The following EFHC2 variants were observed in gnomAD, a reference collection of about 807,000 sequenced individuals.
The protein encoded by EFHC2 is EF-hand domain containing 2.
In EFHC2, 18 loss-of-function variants were observed where a neutral mutation model predicts 52.7. The observed-to-expected ratio is 0.34, with a 90% CI of 0.24 to 0.51. The LOEUF is 0.51. EFHC2 is among the 20% of genes least tolerant of loss of function. The pLI is 0.97. For synonymous variants in EFHC2, 203 were observed against 204.1 expected (o/e 0.99, Z 0.04); for missense variants, 513 against 562.5 (o/e 0.91, Z 0.89).
chrX:44,262,710 G>C lies in EFHC2; in HGVS notation c.383-1412C>G, dbSNP rs186197213. On this transcript the variant is annotated intron_variant, in intron 3 of 14. Transcript: ENST00000420999. ...TTATTAATCAACAGCAGTAAGAATA[G>C]CCTAAATATCAGCATTTCTTTTTCC... is the stretch of plus-strand genomic sequence containing the variant. 1.0e-3 allele frequency among the ~76,000 whole-genome samples: 115 copies of C among 110,965 alleles called. 1 individual carries two copies. The highest frequency in any genetic ancestry group is 3.6e-3 in the African/African-American group (110 of 30,516).
chrX:44,170,869 C>T (rs2036740198), intron 13 of EFHC2, among the ~76,000 whole-genome samples: 1 of 112,272 alleles, frequency 8.9e-6, no homozygotes, highest in Admixed American at 9.4e-5. Flanking sequence ...CTTTCTATGG[C>T]CACATTGTTG....
chrX:44,233,526 A>G lies in EFHC2; in HGVS notation c.1424-849T>C, dbSNP rs145329381. 5.3e-3 allele frequency among the ~76,000 whole-genome samples: 598 copies of G among 111,897 alleles called. 7 individuals carry two copies. Among genetic ancestry groups the G allele is most frequent in the African/African-American group, 0.019 (580 of 30,795 alleles). On this transcript the variant is annotated intron_variant, in intron 9 of 14. Coordinates refer to ENST00000420999, the MANE Select transcript of EFHC2 (RefSeq NM_025184.4). ...CTTCTGATACTGAACTGAAATCTAC[A>G]GACCTATAAATATAGCCTGAGACCA...
At chrX:44,295,450 G>A (rs969267173) in intron 2 of EFHC2, among the ~76,000 whole-genome samples, 2 of 111,839 alleles carry the variant, frequency 1.8e-5, no homozygotes, top group African/African-American at 6.5e-5. Flanking sequence ...TAAGGGTTGA[G>A]TGGTGATGGG....
Position 44,307,763 on chromosome X carries a change from A to G in EFHC2, c.231+4805T>C, listed in dbSNP as rs146248466. ...AGCCTGACCAACATGGTGAAACTCC[A>G]TCTCCACTAAAAATAAAAAAATTAG... On this transcript the variant is annotated intron_variant, in intron 2 of 14. Transcript: ENST00000420999. 6.2e-3 allele frequency among the ~76,000 whole-genome samples: 683 copies of G among 110,626 alleles called. 7 individuals carry two copies. The highest frequency in any genetic ancestry group is 0.022 in the African/African-American group (655 of 30,396).
intron 14 of EFHC2, among the ~76,000 whole-genome samples, chrX:44,154,404 T>C (rs765554673): frequency 1.8e-5 from 2 of 111,810 alleles, no homozygotes; most frequent in Non-Finnish European, 3.8e-5. Context: ...CCAGTTGCAT[T>C]AAGCTCTAAT....
intron 11 of EFHC2, among the ~76,000 whole-genome samples, chrX:44,200,277 T>A (rs2036996909): frequency 9.0e-6 from 1 of 111,597 alleles, no homozygotes; most frequent in Non-Finnish European, 1.9e-5. Context: ...GAAAGTCCAA[T>A]TTAAGATGAG....
chrX:44,213,620 G>C (rs978445429), intron 11 of EFHC2, among the ~76,000 whole-genome samples: 3 of 112,281 alleles, frequency 2.7e-5, no homozygotes, highest in African/African-American at 9.7e-5. Flanking sequence ...TCAAGATCCT[G>C]AATCAATAGA....
intron 1 of EFHC2, among the ~76,000 whole-genome samples, chrX:44,321,661 G>GTGAC (rs1569308457): frequency 1.8e-5 from 2 of 111,443 alleles, no homozygotes; most frequent in South Asian, 3.8e-4. Flanking sequence ...GAAGGAACAC[G>GTGAC]TGACTAACTG....
intron 5 of EFHC2, among the ~76,000 whole-genome samples, chrX:44,249,148 G>A (rs1285360909): frequency 9.0e-6 from 1 of 111,456 alleles, no homozygotes; most frequent in African/African-American, 3.3e-5. Flanking sequence ...CCTCCTGGTT[G>A]CCTGCTATGG....
chrX:44,342,522 T>C (rs891945285), intron 1 of EFHC2, among the ~76,000 whole-genome samples: 3 of 111,619 alleles, frequency 2.7e-5, no homozygotes, highest in African/African-American at 9.8e-5. Flanking sequence ...GCAAAAGTTC[T>C]TTCATGCTCA....
rs780122068 is a variant in EFHC2, at chrX:44,209,958, G to T, written c.1751+19691C>A. Among the ~76,000 whole-genome samples the T allele has an allele frequency of 5.4e-5, 6 of 110,141 alleles. No individual in the cohort carries two copies. In the South Asian group the frequency reaches 2.4e-3, roughly 44 times the overall value. On this transcript the variant is annotated intron_variant, in intron 11 of 14. Transcript: ENST00000420999. Reference sequence around the variant, plus strand: ...ACTGACTCCCATCACTCCCAGATGGGACCCTCTAGTTGCAGGAAAACAAGC... The same window carrying T: ...ACTGACTCCCATCACTCCCAGATGGTACCCTCTAGTTGCAGGAAAACAAGC...
At chrX:44,217,980 C>G (rs1384404809) in intron 11 of EFHC2, among the ~76,000 whole-genome samples, 1 of 110,981 alleles carries the variant, frequency 9.0e-6, no homozygotes, top group African/African-American at 3.3e-5. Context: ...ACTATGTACC[C>G]ACAAAAATAA....
At chrX:44,249,994 A>G (rs896891893) in intron 5 of EFHC2, among the ~76,000 whole-genome samples, 200 bp downstream of exon 5, 38 of 112,714 alleles carry the variant, frequency 3.4e-4, no homozygotes, top group South Asian at 3.3e-3. Context: ...CTTAACTTCA[A>G]TGTTCCAACT....
chrX:44,315,284 C>T (rs2037976445), intron 1 of EFHC2, among the ~76,000 whole-genome samples: 1 of 110,492 alleles, frequency 9.1e-6, no homozygotes, highest in South Asian at 3.9e-4. Flanking sequence ...GCCTGCAGAA[C>T]CATGAGCCAA....
At chrX:44,307,920 C>T (rs925722571) in intron 2 of EFHC2, among the ~76,000 whole-genome samples, 3 of 98,048 alleles carry the variant, frequency 3.1e-5, no homozygotes, top group Non-Finnish European at 6.3e-5. Context: ...GGCTACAGAG[C>T]GAGACTTTGT....
intron 1 of EFHC2, among the ~76,000 whole-genome samples, chrX:44,337,034 T>C (rs2038121376): frequency 8.9e-6 from 1 of 112,173 alleles, no homozygotes; most frequent in African/African-American, 3.2e-5. Flanking sequence ...TTATGTAACA[T>C]TGTCAATACA....
At chrX:44,150,790 T>C (rs748138849) in intron 14 of EFHC2, among the ~76,000 whole-genome samples, 36 of 111,397 alleles carry the variant, frequency 3.2e-4, no homozygotes, top group Non-Finnish European at 5.1e-4. Context: ...GTGCTATGGG[T>C]TGAGTTGTGT....
chrX:44,334,632 C>A (rs371201705), intron 1 of EFHC2, among the ~76,000 whole-genome samples: 6 of 111,612 alleles, frequency 5.4e-5, no homozygotes, highest in Non-Finnish European at 1.1e-4. Context: ...TGCGCCACCA[C>A]GCCCGGCTAG....
intron 5 of EFHC2, among the ~76,000 whole-genome samples, chrX:44,249,484 G>A (rs1228862246): frequency 4.6e-5 from 5 of 109,000 alleles, no homozygotes; most frequent in African/African-American, 1.7e-4. Context: ...TTTAAAGATG[G>A]GGAAATAAGC....
Sources: gnomAD v4.1 joint callset for allele counts (sites outside exome capture counted in the v4.1 genomes callset) on GRCh38, gnomAD v4.1.1 for gene constraint, MANE v1.5 for transcripts, NCBI Gene and HGNC (gene_info 2026-07-23, HGNC 2026-07-21) for gene names.